Variants in ACO2 observed in about 807,000 individuals in gnomAD.
ACO2 encodes the protein aconitate hydratase, mitochondrial.
ACO2 carries 31 observed loss-of-function variants against 84.5 expected under a neutral mutation model. The ratio of observed to expected loss-of-function variants is 0.37; its 90% confidence interval spans 0.28 to 0.50. ACO2 has a LOEUF of 0.50. Ranked by LOEUF, ACO2 falls within the 20% of genes least tolerant of loss-of-function variation. The probability of loss-of-function intolerance (pLI) is 0.97; values close to 1 mark genes in which losing one functional copy is unlikely to be tolerated. For synonymous variants in ACO2, 414 were observed against 412.7 expected (o/e 1.00, Z -0.04); for missense variants, 685 against 1,029.3 (o/e 0.67, Z 4.58).
At chr22:41,526,671 G>A in intron 15 of ACO2, 1 of 518,360 alleles carries the variant, frequency 1.9e-6, no homozygotes, top group Admixed American at 3.3e-5. Context: ...TGCACCAGGA[G>A]GAGTTAGTGA....
intron 3 of ACO2, among the ~76,000 whole-genome samples, chr22:41,509,477 G>A (rs998520004): frequency 6.6e-6 from 1 of 152,142 alleles, no homozygotes; most frequent in East Asian, 1.9e-4. Context: ...GAAAGTGCGG[G>A]ACTTGGTCAG....
At chr22:41,510,734 G>A (rs1183786452) in intron 3 of ACO2, among the ~76,000 whole-genome samples, 2 of 152,178 alleles carry the variant, frequency 1.3e-5, no homozygotes, top group South Asian at 2.1e-4. Flanking sequence ...ATAAACCCTG[G>A]CCTCACATCT....
chr22:41,482,297 G>C (rs2038097140), intron 1 of ACO2, among the ~76,000 whole-genome samples: 2 of 152,370 alleles, frequency 1.3e-5, no homozygotes, highest in Non-Finnish European at 2.9e-5. Context: ...TGGGCCTGAA[G>C]CAGAGGTTGG....
At chr22:41,488,065 G>A (rs1463705910) in intron 1 of ACO2, among the ~76,000 whole-genome samples, 1 of 152,134 alleles carries the variant, frequency 6.6e-6, no homozygotes, top group African/African-American at 2.4e-5. Context: ...GCGCTTGATT[G>A]CTCATATTTC....
chr22:41,517,673 A>G (rs1324511534), intron 7 of ACO2, 42 bp downstream of exon 7: 2 of 1,534,806 alleles, frequency 1.3e-6, no homozygotes, highest in South Asian at 1.1e-5. Flanking sequence ...GAACAGTCAC[A>G]TGCCCGCTCC....
At position 41,508,257 on chromosome 22, in the gene ACO2, G is replaced by GA. The variant is rs111484097; in HGVS notation, c.432+214dup. 1.0e-3 allele frequency among the ~76,000 whole-genome samples: 156 copies of GA among 152,316 alleles called. 2 individuals are homozygous for GA. Among genetic ancestry groups the GA allele is most frequent in the African/African-American group, 3.6e-3 (151 of 41,580 alleles). Reference sequence around the variant, plus strand: ...AAAATACAGAGGAAGCCTAAAGAAAGAAAAAATCATCCTTGACCTTACCAC... The same window carrying GA: ...AAAATACAGAGGAAGCCTAAAGAAAGAAAAAAATCATCCTTGACCTTACCAC... On this transcript the variant is annotated intron_variant, in intron 3 of 17. Transcript: ENST00000216254.
At chr22:41,500,677 G>A (rs1434144116) in intron 2 of ACO2, among the ~76,000 whole-genome samples, 2 of 151,734 alleles carry the variant, frequency 1.3e-5, no homozygotes, top group African/African-American at 2.4e-5. Context: ...AAGCCACTGC[G>A]CCTGGCCTAT....
Position 41,515,886 on chromosome 22 carries a change from C to T in ACO2, c.804C>T (p.His268=), listed in dbSNP as rs560262221. The T allele has an allele frequency of 2.2e-5, 36 of 1,614,202 alleles. No homozygotes were observed. Among genetic ancestry groups the T allele is most frequent in the Admixed American group, 3.3e-5 (2 of 60,030 alleles). The change falls in exon 6 of 18, where the codon CAC becomes CAT. Residue 268 remains histidine, a synonymous_variant. Transcript: ENST00000216254. The surrounding 1 kb of genome is among the most constrained non-coding windows in gnomAD (Gnocchi z 5.8). ...KGGTGAIVEY[H]GPGVDSISCT... is the part of the protein sequence containing the mutation. The stretch of plus-strand genomic sequence containing the variant: ...GCACAGGTGCAATCGTGGAATACCA[C>T]GGGCCTGGTGTAGACTCCATCTCCT...
chr22:41,500,255 G>A (rs991276137), intron 2 of ACO2, among the ~76,000 whole-genome samples: 1 of 151,764 alleles, frequency 6.6e-6, no homozygotes. Flanking sequence ...GGAGAGCTCA[G>A]GTCTGAGACC....
chr22:41,469,360 C>G, intron 1 of ACO2, 178 bp downstream of exon 1: 3 of 639,436 alleles, frequency 4.7e-6, no homozygotes, highest in Non-Finnish European at 7.5e-6. Context: ...CAAGGCGTCC[C>G]CGGCACAGTC....
chr22:41,525,537 C>T (rs2066576309), intron 14 of ACO2, among the ~76,000 whole-genome samples, 189 bp downstream of exon 14: 1 of 152,206 alleles, frequency 6.6e-6, no homozygotes, highest in Non-Finnish European at 1.5e-5. Flanking sequence ...CTCTGTGGCC[C>T]CGAACTGGGC....
At position 41,494,642 on chromosome 22, in the gene ACO2, C is replaced by T. The variant is rs1453245026; in HGVS notation, c.37-5084C>T. On this transcript the variant is annotated intron_variant, in intron 1 of 17. Coordinates refer to ENST00000216254, the MANE Select transcript of ACO2 (RefSeq NM_001098.3). The stretch of plus-strand genomic sequence containing the variant: ...GTCAGGCTGGTCTTGAACTCCTGAC[C>T]TCAAGTGATCCGCCTACCTCGGCCT... Among the ~76,000 whole-genome samples, 3 of 152,024 alleles carry T rather than the reference C, an allele frequency of 2.0e-5. No individual in the cohort carries two copies. In the East Asian group the frequency reaches 5.8e-4, roughly 29 times the overall value.
At chr22:41,492,756 A>C (rs1287142940) in intron 1 of ACO2, among the ~76,000 whole-genome samples, 1 of 152,024 alleles carries the variant, frequency 6.6e-6, no homozygotes, top group Non-Finnish European at 1.5e-5. Context: ...CTGGGCAACA[A>C]GAGCTAAACT....
chr22:41,525,548 A>C (rs2066576543), intron 14 of ACO2, among the ~76,000 whole-genome samples, 200 bp downstream of exon 14: 1 of 152,218 alleles, frequency 6.6e-6, no homozygotes, highest in African/African-American at 2.4e-5. Flanking sequence ...CGAACTGGGC[A>C]GAGCTAGATC....
At chr22:41,507,002 G>A (rs1387351109) in intron 2 of ACO2, among the ~76,000 whole-genome samples, 1 of 152,022 alleles carries the variant, frequency 6.6e-6, no homozygotes, top group Non-Finnish European at 1.5e-5. Context: ...GAGGCTTGTG[G>A]GGAGAAGACG....
At chr22:41,519,949 T>C (rs1156881086) in intron 8 of ACO2, among the ~76,000 whole-genome samples, 1 of 152,240 alleles carries the variant, frequency 6.6e-6, no homozygotes, top group Non-Finnish European at 1.5e-5. Context: ...GAGCTTCAGT[T>C]CCTTCATCTG....
Position 41,515,894 on chromosome 22 carries a change from G to T in ACO2, c.812G>T (p.Gly271Val). 1 of 1,614,162 alleles carries T rather than the reference G, an allele frequency of 6.2e-7. No individual in the cohort carries two copies. The highest frequency in any genetic ancestry group is 8.5e-7 in the Non-Finnish European group (1 of 1,179,988). Residue 271 changes from glycine (G) to valine (V), a missense_variant, in exon 6 of 18, where the codon GGT becomes GTT. Gly to Val is a moderately radical substitution (Grantham distance 109). Coordinates refer to ENST00000216254, the MANE Select transcript of ACO2 (RefSeq NM_001098.3). This position sits in a 1 kb window ranked among gnomAD's most constrained non-coding sequence, Gnocchi z 5.8. Reference protein sequence around the residue: ...TGAIVEYHGPGVDSISCTGMA... With the variant: ...TGAIVEYHGPVVDSISCTGMA... ...GCAATCGTGGAATACCACGGGCCTG[G>T]TGTAGACTCCATCTCCTGCACTGGT...
chr22:41,526,383 A>G lies in ACO2; in HGVS notation c.1883A>G (p.Lys628Arg), dbSNP rs770732316. The G allele has an allele frequency of 1.2e-6, 2 of 1,613,896 alleles. No individual in the cohort carries two copies. Among genetic ancestry groups the G allele is most frequent in the Non-Finnish European group, 1.7e-6 (2 of 1,180,026 alleles). The change falls in exon 15 of 18, where the codon AAG becomes AGG. Residue 628 changes from lysine (K) to arginine (R), a missense_variant. Physicochemically the swap from Lys to Arg is conservative, Grantham distance 26. Coordinates refer to ENST00000216254, the MANE Select transcript of ACO2 (RefSeq NM_001098.3). Reference protein sequence around the residue: ...LIGAINIENGKANSVRNAVTQ... With the variant: ...LIGAINIENGRANSVRNAVTQ... ...GGTGCCATCAACATTGAAAACGGCAAGGCCAACTCCGTGCGCAATGCCGTC... is the reference window on the plus strand; with the variant it reads ...GGTGCCATCAACATTGAAAACGGCAGGGCCAACTCCGTGCGCAATGCCGTC...
At chr22:41,528,083 C>T in intron 17 of ACO2, 61 bp downstream of exon 17, 5 of 1,608,612 alleles carry the variant, frequency 3.1e-6, no homozygotes, top group Non-Finnish European at 4.2e-6. Flanking sequence ...GTTTCCCCTC[C>T]TGCACTGGCC....
Sources: allele counts gnomAD v4.1 joint callset (sites outside exome capture counted in the v4.1 genomes callset), GRCh38; gene constraint gnomAD v4.1.1; non-coding constraint Gnocchi (gnomAD v3.1); transcripts MANE v1.5; gene names NCBI Gene and HGNC (gene_info 2026-07-23, HGNC 2026-07-21).